The following ARFGAP3 variants were observed in gnomAD, a reference collection of about 807,000 sequenced individuals.
The protein encoded by ARFGAP3 is ARF GTPase activating protein 3.
ARFGAP3 carries 72 observed loss-of-function variants against 75.0 expected under a neutral mutation model. The observed-to-expected ratio is 0.96, with a 90% CI of 0.79 to 1.17. The LOEUF (loss-of-function observed/expected upper bound fraction) is 1.17. Ranked by LOEUF, ARFGAP3 falls within the 50% of genes most tolerant of loss-of-function variation. The pLI, the probability that ARFGAP3 is intolerant of heterozygous loss-of-function variation, is 0.00. For synonymous variants in ARFGAP3, 221 were observed against 217.9 expected (o/e 1.01, Z -0.13); for missense variants, 620 against 626.6 (o/e 0.99, Z 0.11).
intron 1 of ARFGAP3, among the ~76,000 whole-genome samples, chr22:42,854,831 G>A (rs765647525): frequency 6.6e-6 from 1 of 152,026 alleles, no homozygotes; most frequent in East Asian, 1.9e-4. Flanking sequence ...TGTTATCTTC[G>A]TTTAGGTAAG....
chr22:42,832,097 T>C (rs985227031), intron 5 of ARFGAP3, among the ~76,000 whole-genome samples: 2 of 151,862 alleles, frequency 1.3e-5, no homozygotes, highest in Admixed American at 6.6e-5. Context: ...CTCCTCTTTC[T>C]TGATAACCAT....
intron 11 of ARFGAP3, among the ~76,000 whole-genome samples, chr22:42,813,162 TA>T (rs1378223225): frequency 6.6e-6 from 1 of 152,336 alleles, no homozygotes; most frequent in East Asian, 1.9e-4. Flanking sequence ...GGCACTCTGC[TA>T]GGGGAAGACA....
At chr22:42,807,270 CT>C in intron 13 of ARFGAP3, 107 bp from the exon 14 acceptor site, 1 of 1,466,556 alleles carries the variant, frequency 6.8e-7, no homozygotes, top group South Asian at 1.4e-5. Context: ...CCCCCAGGCT[CT>C]TTCTTTCCAA....
intron 10 of ARFGAP3, 101 bp from the exon 11 acceptor site, chr22:42,817,365 AT>A: frequency 6.9e-7 from 1 of 1,450,342 alleles, no homozygotes; most frequent in South Asian, 1.4e-5. Flanking sequence ...AGACAAATGT[AT>A]TCGAGGGGTT....
chr22:42,838,290 A>ATTTTTTTT (rs1555899058), intron 3 of ARFGAP3, among the ~76,000 whole-genome samples: 1 of 137,184 alleles, frequency 7.3e-6, no homozygotes, highest in Admixed American at 7.6e-5. Flanking sequence ...ATATATATAT[A>ATTTTTTTT]TTTTTTTTTT....
intron 3 of ARFGAP3, among the ~76,000 whole-genome samples, chr22:42,838,614 T>C (rs958868152): frequency 2.6e-5 from 4 of 151,942 alleles, no homozygotes; most frequent in African/African-American, 9.7e-5. Flanking sequence ...TTATTTGAAA[T>C]GCATACAAAT....
At chr22:42,846,038 C>CAAAA (rs60266541) in intron 2 of ARFGAP3, among the ~76,000 whole-genome samples, 5 of 88,088 alleles carry the variant, frequency 5.7e-5, no homozygotes, top group East Asian at 4.2e-4. Flanking sequence ...AACTCCATCT[C>CAAAA]AAAAAAAAAA....
intron 11 of ARFGAP3, among the ~76,000 whole-genome samples, chr22:42,811,822 G>C (rs746957368): frequency 6.6e-6 from 1 of 152,146 alleles, no homozygotes; most frequent in Non-Finnish European, 1.5e-5. Flanking sequence ...GAGCAGCAAG[G>C]TCTGCCTGGA....
intron 14 of ARFGAP3, among the ~76,000 whole-genome samples, chr22:42,801,858 G>A (rs1348870492): frequency 6.6e-6 from 1 of 152,116 alleles, no homozygotes; most frequent in Non-Finnish European, 1.5e-5. Flanking sequence ...GTGCAAGGGG[G>A]CCTAACCAGG....
At position 42,810,949 on chromosome 22, in the gene ARFGAP3, A is replaced by G. The variant is rs768002337; in HGVS notation, c.1065-5T>C. 6.2e-7 allele frequency: 1 copy of G among 1,613,802 alleles called. No individual in the cohort carries two copies. The highest frequency in any genetic ancestry group is 1.7e-5 in the Admixed American group (1 of 60,010). On this transcript the variant is annotated splice_region_variant and splice_polypyrimidine_tract_variant and intron_variant, in intron 11 of 15. Transcript: ENST00000263245. Reference sequence around the variant, plus strand: ...TCCACTGGCTCGTCAAAGTAACTGTAGGAGCAAGAGTACAACAGTGACTTT... The same window carrying G: ...TCCACTGGCTCGTCAAAGTAACTGTGGGAGCAAGAGTACAACAGTGACTTT...
At chr22:42,837,637 A>C (rs966691289) in intron 3 of ARFGAP3, among the ~76,000 whole-genome samples, 4 of 144,352 alleles carry the variant, frequency 2.8e-5, no homozygotes, top group Non-Finnish European at 4.5e-5. Context: ...AAAAAAAAAA[A>C]AACCAAAAAA....
At chr22:42,839,597 CAAA>C (rs61512605) in intron 3 of ARFGAP3, among the ~76,000 whole-genome samples, 1 of 112,322 alleles carries the variant, frequency 8.9e-6, no homozygotes. Flanking sequence ...AACTCTGTCT[CAAA>C]AAAAAAAAAA....
chr22:42,847,496 G>A lies in ARFGAP3; in HGVS notation c.188+18C>T. On this transcript the variant is annotated intron_variant, in intron 2 of 15. Coordinates refer to ENST00000263245, the MANE Select transcript of ARFGAP3 (RefSeq NM_014570.5). ...ACAATGTAATCAATCTCACCCCAAT[G>A]AGAGAAGATTCACTTACCGAATAAA... The A allele has an allele frequency of 6.3e-7, 1 of 1,595,466 alleles. No homozygotes were observed. The highest frequency in any genetic ancestry group is 8.6e-7 in the Non-Finnish European group (1 of 1,164,250).
At chr22:42,824,397 C>T (rs1406658980) in intron 7 of ARFGAP3, among the ~76,000 whole-genome samples, 1 of 151,978 alleles carries the variant, frequency 6.6e-6, no homozygotes, top group African/African-American at 2.4e-5. Flanking sequence ...CACTCCATTA[C>T]CTAGGCTGGA....
intron 1 of ARFGAP3, among the ~76,000 whole-genome samples, chr22:42,856,190 A>C (rs1226952457): frequency 6.6e-6 from 1 of 152,230 alleles, no homozygotes; most frequent in African/African-American, 2.4e-5. Context: ...GGCTGGAAAA[A>C]ATATGGGCTC....
chr22:42,815,461 C>G lies in ARFGAP3; in HGVS notation c.1064+1681G>C, dbSNP rs150282397. ...TCCCTGGACTTGAAATAATTTAGAG[C>G]TATACTTAGAGACATTTTTAAGGAT... On this transcript the variant is annotated intron_variant, in intron 11 of 15. Transcript: ENST00000263245. 1.7e-3 allele frequency among the ~76,000 whole-genome samples: 252 copies of G among 150,192 alleles called. 1 individual carries two copies. The highest frequency in any genetic ancestry group is 5.8e-3 in the African/African-American group (237 of 40,686).
intron 1 of ARFGAP3, among the ~76,000 whole-genome samples, chr22:42,856,717 G>A (rs1423758890): frequency 1.3e-5 from 2 of 152,238 alleles, no homozygotes; most frequent in East Asian, 1.9e-4. Context: ...TGGGGGAGCC[G>A]CGCTTTCCCC....
chr22:42,831,302 AAGAC>A (rs1926275021), intron 6 of ARFGAP3, among the ~76,000 whole-genome samples: 1 of 151,356 alleles, frequency 6.6e-6, no homozygotes, highest in Non-Finnish European at 1.5e-5. Flanking sequence ...AAAAAAAAAA[AAGAC>A]AGAAGGGTCT....
At chr22:42,820,284 T>C (rs1925755055) in intron 9 of ARFGAP3, among the ~76,000 whole-genome samples, 1 of 152,194 alleles carries the variant, frequency 6.6e-6, no homozygotes, top group Non-Finnish European at 1.5e-5. Context: ...TAAGAGAAAT[T>C]AAAGTCTGTG....
Sources: gnomAD v4.1 joint callset for allele counts (sites outside exome capture counted in the v4.1 genomes callset) on GRCh38, gnomAD v4.1.1 for gene constraint, MANE v1.5 for transcripts, NCBI Gene and HGNC (gene_info 2026-07-23, HGNC 2026-07-21) for gene names.